Variants in TAL1 observed in about 807,000 individuals in gnomAD.
The protein encoded by TAL1 is TAL bHLH transcription factor 1, erythroid differentiation factor.
TAL1 carries 8 observed loss-of-function variants against 17.9 expected under a neutral mutation model. The observed-to-expected ratio is 0.45, with a 90% CI of 0.26 to 0.81. The LOEUF (loss-of-function observed/expected upper bound fraction) is 0.81, where lower values mean the gene tolerates loss of function less well. TAL1 is among the 30% of genes least tolerant of loss of function. The probability of loss-of-function intolerance (pLI) is 0.17; values close to 1 mark genes in which losing one functional copy is unlikely to be tolerated. For synonymous variants in TAL1, 223 were observed against 218.6 expected, an observed-to-expected ratio of 1.02 and a Z score of -0.18; for missense variants, 466 against 486.9, an observed-to-expected ratio of 0.96 and a Z score of 0.40.
upstream of TAL1, chr1:47,231,066 A>C (rs1644004597): frequency 6.3e-6 from 1 of 158,026 alleles, no homozygotes; most frequent in African/African-American, 2.4e-5. Flanking sequence ...ATGAAGCCGG[A>C]GTGCAGCGGG....
chr1:47,223,948 A>C, intron 3 of TAL1, 56 bp downstream of exon 4: 1 of 1,521,926 alleles, frequency 6.6e-7, no homozygotes, highest in Admixed American at 1.7e-5. Context: ...TCCCTCCTCC[A>C]GAGGGCTCTA....
upstream of TAL1, chr1:47,230,081 G>C (rs1011149273): frequency 6.6e-6 from 1 of 152,120 alleles, no homozygotes; most frequent in Non-Finnish European, 1.5e-5. Flanking sequence ...CCAACAAAGG[G>C]GGAAAGAAAG....
chr1:47,219,894 G>GCCA, exon 4 of TAL1: 1 of 1,556,038 alleles, frequency 6.4e-7, no homozygotes. Context: ...CTGGGGGCGC[G>GCCA]CCGCCCCCTC....
exon 4 of TAL1, chr1:47,219,572 A>T: frequency 1.5e-6 from 2 of 1,316,202 alleles, no homozygotes; most frequent in Non-Finnish European, 1.1e-6. Flanking sequence ...CAGGGTCAGT[A>T]AAGGCTTCCC....
At chr1:47,225,616 G>C in exon 2 of TAL1, 1 of 1,380,472 alleles carries the variant, frequency 7.2e-7, no homozygotes, top group Non-Finnish European at 9.3e-7. Flanking sequence ...TGCACAGCTC[G>C]GTGGTGGGCA....
chr1:47,225,447 C>G, exon 2 of TAL1: 2 of 1,231,382 alleles, frequency 1.6e-6, no homozygotes, highest in Non-Finnish European at 1.0e-6. Context: ...CCTGACCTGC[C>G]GAGAGAGGCC....
intron 3 of TAL1, among the ~76,000 whole-genome samples, chr1:47,222,981 C>T (rs764807723): frequency 6.6e-6 from 1 of 152,156 alleles, no homozygotes; most frequent in Non-Finnish European, 1.5e-5. Context: ...GCACCCCTGC[C>T]TCTCAGCCCT....
exon 2 of TAL1, chr1:47,225,748 C>T (rs750567197): frequency 2.6e-6 from 4 of 1,541,156 alleles, no homozygotes; most frequent in Non-Finnish European, 3.5e-6. Flanking sequence ...CTGGGGGCTC[C>T]GCTGCGGCCG....
At chr1:47,219,804 G>A in exon 4 of TAL1, 1 of 1,610,742 alleles carries the variant, frequency 6.2e-7, no homozygotes, top group Non-Finnish European at 8.5e-7. Flanking sequence ...GCTCCTCCGT[G>A]TAGCTGTCCG....
chr1:47,225,051 A>G (rs1643886022), intron 2 of TAL1, among the ~76,000 whole-genome samples: 1 of 151,484 alleles, frequency 6.6e-6, no homozygotes, highest in Non-Finnish European at 1.5e-5. Flanking sequence ...ACCTCTGCTC[A>G]CAGCAAAGCA....
exon 4 of TAL1, chr1:47,218,197 G>A (rs145888818): frequency 4.2e-6 from 1 of 235,696 alleles, no homozygotes; most frequent in African/African-American, 2.2e-5. Flanking sequence ...CCTAGAGGGA[G>A]AGGGCTAGGG....
intron 1 of TAL1, chr1:47,227,091 C>T (rs1166283457): frequency 6.6e-6 from 1 of 152,192 alleles, no homozygotes; most frequent in African/African-American, 2.4e-5. Flanking sequence ...CCTGTATTCC[C>T]AGAGCAGTGA....
chr1:47,230,880 G>C (rs1366955511), upstream of TAL1: 1 of 152,302 alleles, frequency 6.6e-6, no homozygotes, highest in East Asian at 1.9e-4. Flanking sequence ...GATGCGACGG[G>C]TATCAGACCC....
chr1:47,226,026 A>G, intron 1 of TAL1, 137 bp from the exon 3 acceptor site: 2 of 607,390 alleles, frequency 3.3e-6, no homozygotes, highest in Non-Finnish European at 4.5e-6. Context: ...AGACAAAGTT[A>G]GCGCCACGTG....
chr1:47,223,921 G>A (rs117442127), intron 3 of TAL1, 83 bp downstream of exon 4: 14 of 1,333,468 alleles, frequency 1.0e-5, no homozygotes, highest in African/African-American at 7.2e-5. Context: ...AGATACCTAC[G>A]GAGTAGTCCC....
Position 47,225,615 on chromosome 1 carries a change from C to T in TAL1, c.274G>A (p.Glu92Lys). The T allele has an allele frequency of 7.2e-7, 1 of 1,380,360 alleles. No homozygotes were observed. Among genetic ancestry groups the T allele is most frequent in the Non-Finnish European group, 9.3e-7 (1 of 1,076,720 alleles). The allele number at this position is 1,380,360 out of a possible 1,614,324, so 85.5% of individuals were successfully genotyped here. The change falls in exon 2 of 4, where the codon GAG becomes AAG. Residue 92 changes from glutamate (E) to lysine (K), a missense_variant. Physicochemically the swap from Glu to Lys is moderately conservative, Grantham distance 56. Around this residue, in one of 5 missense-constraint regions of TAL1, gnomAD observed 158 missense variants for 151.7 expected, o/e 1.04. Transcript: ENST00000294339. ...GCGGGCCCGGGAGGTCTGCACAGCT[C>T]GGTGGTGGGCACCCGATGGCGCGCT...
At chr1:47,230,000 T>C (rs891137937), upstream of TAL1, 3 of 151,762 alleles carry the variant, frequency 2.0e-5, no homozygotes, top group Admixed American at 6.6e-5. Context: ...TCCTTTCTCG[T>C]CTCCCTACTG....
chr1:47,217,899 C>T, exon 4 of TAL1: 1 of 397,418 alleles, frequency 2.5e-6, no homozygotes, highest in Non-Finnish European at 4.4e-6. Context: ...CTAATTTTCA[C>T]CAAAACATGA....
exon 4 of TAL1, chr1:47,219,809 T>TGTCCGGGCTGGCTGCCCC: frequency 1.2e-6 from 2 of 1,608,996 alleles, no homozygotes; most frequent in Non-Finnish European, 1.7e-6. Context: ...TCCGTGTAGC[T>TGTCCGGGCTGGCTGCCCC]GTCCGGGCTG....
Sources: allele counts gnomAD v4.1 joint callset (sites outside exome capture counted in the v4.1 genomes callset), GRCh38; gene constraint gnomAD v4.1.1; regional missense constraint gnomAD v4.1.1; transcripts MANE v1.5; gene names NCBI Gene and HGNC (gene_info 2026-07-23, HGNC 2026-07-21).